Variants in CNKSR2 observed in about 807,000 individuals in gnomAD.
The protein encoded by CNKSR2 is CNK homolog protein 2.
CNKSR2 carries 14 observed loss-of-function variants against 84.4 expected under a neutral mutation model. That is an observed-to-expected ratio of 0.17 (90% confidence interval 0.11 to 0.26). The LOEUF is 0.26. Among genes scored for constraint, CNKSR2 ranks in the 10% least tolerant of loss-of-function variants. CNKSR2 has a pLI of 1.00. For synonymous variants in CNKSR2, 275 were observed against 277.9 expected (o/e 0.99, Z 0.10); for missense variants, 485 against 771.2 (o/e 0.63, Z 4.40).
At chrX:21,430,491 T>G in intron 2 of CNKSR2, among the ~76,000 whole-genome samples, 1 of 111,676 alleles carries the variant, frequency 9.0e-6, no homozygotes, top group Non-Finnish European at 1.9e-5. Flanking sequence ...GTTACCAAGT[T>G]GAGTAGGTTT....
chrX:21,484,751 C>T lies in CNKSR2; in HGVS notation c.562-5708C>T, dbSNP rs111992746. 9.9e-3 allele frequency among the ~76,000 whole-genome samples: 1,103 copies of T among 111,971 alleles called. 15 individuals carry two copies. The highest frequency in any genetic ancestry group is 0.032 in the African/African-American group (999 of 30,816). On this transcript the variant is annotated intron_variant, in intron 5 of 21. Transcript: ENST00000379510. Reference sequence around the variant, plus strand: ...GAATAATTGAACAGTACCCCACTTACTTAGAAAAGCAAATAAAAATACTTT... The same window carrying T: ...GAATAATTGAACAGTACCCCACTTATTTAGAAAAGCAAATAAAAATACTTT...
At chrX:21,536,370 T>A (rs748231602) in intron 11 of CNKSR2, among the ~76,000 whole-genome samples, 4 of 111,408 alleles carry the variant, frequency 3.6e-5, no homozygotes, top group Non-Finnish European at 7.6e-5. Flanking sequence ...ACTGCTGGCC[T>A]CATAGAATGA....
At chrX:21,494,304 G>A (rs994186600) in intron 6 of CNKSR2, 9 of 111,358 alleles carry the variant, frequency 8.1e-5, no homozygotes, top group East Asian at 2.8e-4. Flanking sequence ...CCTTTAATTC[G>A]TAGTCAATAG....
intron 1 of CNKSR2, among the ~76,000 whole-genome samples, chrX:21,413,517 C>G (rs1326848742): frequency 9.1e-6 from 1 of 110,483 alleles, no homozygotes; most frequent in Non-Finnish European, 1.9e-5. Flanking sequence ...AGTCAGTCGA[C>G]TGAGTGACTC....
At chrX:21,380,391 A>G (rs1049223394) in intron 1 of CNKSR2, among the ~76,000 whole-genome samples, 12 of 109,497 alleles carry the variant, frequency 1.1e-4, no homozygotes, top group Non-Finnish European at 1.5e-4. Context: ...GCAATGATAA[A>G]TTATCATTTT....
chrX:21,400,262 T>TA (rs1330127151), intron 1 of CNKSR2, among the ~76,000 whole-genome samples: 1 of 109,701 alleles, frequency 9.1e-6, no homozygotes, highest in Non-Finnish European at 1.9e-5. Context: ...TATATAGAAA[T>TA]AAAGAGCCCA....
At chrX:21,513,069 G>C (rs2091691323) in intron 8 of CNKSR2, among the ~76,000 whole-genome samples, 1 of 112,227 alleles carries the variant, frequency 8.9e-6, no homozygotes, top group Admixed American at 9.5e-5. Context: ...ATCTAGCACA[G>C]TGAATTGTTG....
intron 4 of CNKSR2, among the ~76,000 whole-genome samples, chrX:21,466,070 A>C (rs1267854310): frequency 8.9e-6 from 1 of 111,950 alleles, no homozygotes; most frequent in Non-Finnish European, 1.9e-5. Flanking sequence ...TAATTTGTAG[A>C]AGCATTATAT....
At chrX:21,408,243 A>C (rs1418740351) in intron 1 of CNKSR2, among the ~76,000 whole-genome samples, 1 of 112,235 alleles carries the variant, frequency 8.9e-6, no homozygotes, top group Non-Finnish European at 1.9e-5. Flanking sequence ...TATATAGTGC[A>C]GGAAATTCCC....
intron 11 of CNKSR2, among the ~76,000 whole-genome samples, chrX:21,543,582 G>T (rs1462661205): frequency 8.9e-6 from 1 of 111,904 alleles, no homozygotes; most frequent in Non-Finnish European, 1.9e-5. Context: ...TCCTGAATTT[G>T]TGCAATTTTA....
intron 11 of CNKSR2, among the ~76,000 whole-genome samples, chrX:21,533,128 A>G (rs887379698): frequency 9.0e-6 from 1 of 111,004 alleles, no homozygotes; most frequent in African/African-American, 3.3e-5. Flanking sequence ...TTCTCTGTAC[A>G]TGTGCTTTTT....
At chrX:21,387,489 AAAAAG>A (rs1245620620) in intron 1 of CNKSR2, among the ~76,000 whole-genome samples, 1 of 111,969 alleles carries the variant, frequency 8.9e-6, no homozygotes, top group Non-Finnish European at 1.9e-5. Context: ...CTCCAAAAAG[AAAAAG>A]AAAAGAAAAG....
chrX:21,515,466 C>T (rs1403671422), intron 8 of CNKSR2, among the ~76,000 whole-genome samples: 1 of 111,166 alleles, frequency 9.0e-6, no homozygotes. Context: ...AAATTTTGAC[C>T]TAGTGTATTT....
chrX:21,404,850 C>T (rs779503254), intron 1 of CNKSR2, among the ~76,000 whole-genome samples: 29 of 105,194 alleles, frequency 2.8e-4, no homozygotes, highest in South Asian at 2.5e-3. Flanking sequence ...TTACTTTTTT[C>T]CCAGATGGAG....
intron 20 of CNKSR2, among the ~76,000 whole-genome samples, chrX:21,648,538 A>G (rs1478405331): frequency 9.0e-6 from 1 of 111,135 alleles, no homozygotes; most frequent in East Asian, 2.8e-4. Flanking sequence ...GCAATTTGCT[A>G]TCAAGAGTAT....
intron 20 of CNKSR2, among the ~76,000 whole-genome samples, chrX:21,614,743 G>A (rs2092568771): frequency 9.0e-6 from 1 of 110,833 alleles, no homozygotes; most frequent in Admixed American, 9.6e-5. Context: ...CCATTTTTTG[G>A]CTAAAAAAAT....
intron 9 of CNKSR2, among the ~76,000 whole-genome samples, chrX:21,517,677 C>A (rs1038866862): frequency 9.1e-6 from 1 of 109,655 alleles, no homozygotes; most frequent in Non-Finnish European, 1.9e-5. Flanking sequence ...CTTCACGAAA[C>A]GTACATTTTA....
intron 6 of CNKSR2, chrX:21,495,561 A>G (rs1328953941): frequency 1.8e-5 from 2 of 108,320 alleles, no homozygotes; most frequent in Admixed American, 1.0e-4. Flanking sequence ...AGGCAGGCAG[A>G]TCACCTGAGG....
chrX:21,386,481 C>T (rs1200090946), intron 1 of CNKSR2, among the ~76,000 whole-genome samples: 1 of 111,743 alleles, frequency 8.9e-6, no homozygotes, highest in Non-Finnish European at 1.9e-5. Flanking sequence ...AGATATTTGA[C>T]CAATGGAGTG....
Sources: gnomAD v4.1 joint callset for allele counts (sites outside exome capture counted in the v4.1 genomes callset) on GRCh38, gnomAD v4.1.1 for gene constraint, MANE v1.5 for transcripts, NCBI Gene and HGNC (gene_info 2026-07-23, HGNC 2026-07-21) for gene names.